MEOX1: variants seen among roughly 807,000 people sequenced by gnomAD.
MEOX1 encodes homeobox protein MOX-1.
In MEOX1, 17 loss-of-function variants were observed where a neutral mutation model predicts 23.2. That is an observed-to-expected ratio of 0.73 (90% CI 0.50 to 1.10). The LOEUF (loss-of-function observed/expected upper bound fraction) is 1.10, where lower values mean the gene tolerates loss of function less well. Ranked by LOEUF, MEOX1 falls within the 50% of genes least tolerant of loss-of-function variation. MEOX1 has a pLI of 0.00. For missense variants in MEOX1, 333 were observed against 332.2 expected (o/e 1.00, Z -0.02); for synonymous variants, 134 against 135.1 (o/e 0.99, Z 0.06).
chr17:43,644,863 C>T (rs1972772669), intron 1 of MEOX1, among the ~76,000 whole-genome samples: 2 of 152,094 alleles, frequency 1.3e-5, no homozygotes, highest in South Asian at 2.1e-4. Context: ...CTACAGTGAG[C>T]GGAGATCACG....
chr17:43,643,482 G>A lies in MEOX1; in HGVS notation c.642+6C>T. 1 of 1,569,834 alleles carries A rather than the reference G, an allele frequency of 6.4e-7. No homozygotes were observed. Among genetic ancestry groups the A allele is most frequent in the Non-Finnish European group, 8.6e-7 (1 of 1,156,306 alleles). ...AAAGAAGAGGAGGGGCCCACCGGGG[G>A]CGCACCTGGCGCTCAGAGAGGTCCA... On this transcript the variant is annotated splice_donor_region_variant and intron_variant, in intron 2 of 2. Transcript: ENST00000318579.
intron 1 of MEOX1, among the ~76,000 whole-genome samples, chr17:43,653,010 T>G (rs2005709): frequency 0.36 from 54,479 of 151,104 alleles, 10,523 homozygotes; most frequent in Middle Eastern, 0.49. Flanking sequence ...TTTTTTATAT[T>G]TTTAGTAGAG....
Position 43,643,630 on chromosome 17 carries a change from C to T in MEOX1, c.500G>A (p.Gly167Asp), listed in dbSNP as rs748426525. ...CCTCTCCTTGCGGGCTTTGCTGCTG[C>T]CCTCCGGCTTCCCTCTGTTCTCCTG... ...DNQENRGKPEGSSKARKERTA... is the reference protein window; with the variant it reads ...DNQENRGKPEDSSKARKERTA... The change falls in exon 2 of 3, where the codon GGC becomes GAC. Residue 167 changes from glycine to aspartate, a missense_variant. Gly to Asp is a moderately conservative substitution (Grantham distance 94). Transcript: ENST00000318579. 8.7e-6 allele frequency: 14 copies of T among 1,613,476 alleles called. No individual in the cohort carries two copies. The highest frequency in any genetic ancestry group is 1.2e-5 in the Non-Finnish European group (14 of 1,179,886).
At chr17:43,649,468 G>T (rs1972875193) in intron 1 of MEOX1, among the ~76,000 whole-genome samples, 1 of 151,978 alleles carries the variant, frequency 6.6e-6, no homozygotes, top group Non-Finnish European at 1.5e-5. Context: ...CGCCACACTA[G>T]GCTAATTTTT....
chr17:43,648,337 C>T (rs530648821), intron 1 of MEOX1, among the ~76,000 whole-genome samples: 5 of 151,944 alleles, frequency 3.3e-5, no homozygotes, highest in East Asian at 3.9e-4. Context: ...GGCGTGGTGG[C>T]GGGCGCCTGT....
chr17:43,648,612 C>T (rs1034027227), intron 1 of MEOX1, among the ~76,000 whole-genome samples: 2 of 152,110 alleles, frequency 1.3e-5, no homozygotes, highest in African/African-American at 2.4e-5. Flanking sequence ...GGGATTGGAC[C>T]GGATTCTGTT....
At chr17:43,647,094 G>C (rs1436126317) in intron 1 of MEOX1, among the ~76,000 whole-genome samples, 1 of 152,238 alleles carries the variant, frequency 6.6e-6, no homozygotes, top group Non-Finnish European at 1.5e-5. Flanking sequence ...CTTCTTGAAG[G>C]TTTCTGTGTG....
rs552845807 is a variant in MEOX1 at position 43,653,166 on chromosome 17, A to C, written c.469+7900T>G. On this transcript the variant is annotated intron_variant, in intron 1 of 2. Transcript: ENST00000318579. ...CTTTTTTTTTTTTTTTTGAGACGGAATCTCACTCTGTCTCCCCAGCTGGAG... is the reference window on the plus strand; with the variant it reads ...CTTTTTTTTTTTTTTTTGAGACGGACTCTCACTCTGTCTCCCCAGCTGGAG... 3.3e-3 allele frequency among the ~76,000 whole-genome samples: 397 copies of C among 120,024 alleles called. 1 individual carries two copies. Among genetic ancestry groups the C allele is most frequent in the African/African-American group, 0.011 (329 of 30,648 alleles). 78.7% of individuals were successfully genotyped at this position (120,024 alleles called of 152,430 possible). A position where few individuals can be genotyped will look rare whatever the true frequency, so the allele number is the denominator to read the frequency against.
chr17:43,656,991 T>C (rs562223080), intron 1 of MEOX1, among the ~76,000 whole-genome samples: 120 of 138,830 alleles, frequency 8.6e-4, no homozygotes, highest in African/African-American at 3.6e-3. Context: ...ATTTTCTTTC[T>C]TTCTTTTTCT....
In MEOX1 at chr17:43,661,063, T is replaced by C. The variant is rs771550537; in HGVS notation, c.469+3A>G. ...AATGATCAGCTGCTCCTGAGCCACC[T>C]ACCTGAACTCTCCTTTCTCCGCCTG... On this transcript the variant is annotated splice_donor_region_variant and intron_variant, in intron 1 of 2. Transcript: ENST00000318579. The C allele has an allele frequency of 6.7e-7, 1 of 1,492,924 alleles. No homozygotes were observed. Among genetic ancestry groups the C allele is most frequent in the Non-Finnish European group, 8.9e-7 (1 of 1,119,534 alleles). 92.5% of individuals were successfully genotyped at this position (1,492,924 alleles called of 1,614,324 possible).
At chr17:43,646,079 G>C (rs1187775469) in intron 1 of MEOX1, among the ~76,000 whole-genome samples, 1 of 152,192 alleles carries the variant, frequency 6.6e-6, no homozygotes, top group African/African-American at 2.4e-5. Context: ...TGGCCCGGGG[G>C]TCCGCGTCCG....
At chr17:43,645,974 T>C in intron 1 of MEOX1, among the ~76,000 whole-genome samples, 1 of 152,076 alleles carries the variant, frequency 6.6e-6, no homozygotes, top group East Asian at 1.9e-4. Context: ...CGCCGGGGGA[T>C]GGAAGGGGAG....
At chr17:43,658,538 A>T (rs951456376) in intron 1 of MEOX1, among the ~76,000 whole-genome samples, 24 of 152,024 alleles carry the variant, frequency 1.6e-4, no homozygotes, top group African/African-American at 5.6e-4. Flanking sequence ...TTTTAAGGCA[A>T]TATTTGTAAA....
At chr17:43,644,698 G>A (rs894872703) in intron 1 of MEOX1, among the ~76,000 whole-genome samples, 2 of 152,184 alleles carry the variant, frequency 1.3e-5, no homozygotes, top group African/African-American at 2.4e-5. Context: ...GGCGGATCAC[G>A]AGGTCAGGAG....
intron 1 of MEOX1, among the ~76,000 whole-genome samples, chr17:43,654,498 T>C (rs1442157517): frequency 6.6e-6 from 1 of 151,402 alleles, no homozygotes; most frequent in Admixed American, 6.6e-5. Context: ...ACAGCAAGAC[T>C]CTTGTCTCAA....
rs1972702973 is a variant in MEOX1 at position 43,641,952 on chromosome 17, GTC to G, written c.721_722del (p.Asp241ProfsTer2). On this transcript the variant is annotated frameshift_variant, in exon 3 of 3. Coordinates refer to ENST00000318579, the MANE Select transcript of MEOX1 (RefSeq NM_004527.4). LOFTEE classifies it high-confidence loss of function. The stretch of plus-strand genomic sequence containing the variant: ...AGGCTGTGGAGTCCCCATCCTCAGG[GTC>G]CTGCCCATTGGGGGAGATGGGCTGA... ...GGQPISPNGQ[D>X]PEDGDSTASP... 3 of 1,613,902 alleles carry G rather than the reference GTC, an allele frequency of 1.9e-6. No individual in the cohort carries two copies.
intron 1 of MEOX1, among the ~76,000 whole-genome samples, chr17:43,651,694 G>A (rs953294189): frequency 6.6e-6 from 1 of 152,236 alleles, no homozygotes; most frequent in Admixed American, 6.5e-5. Context: ...TGTGAGTCCT[G>A]TCTCTCAGGC....
At chr17:43,648,341 C>T (rs957007508) in intron 1 of MEOX1, among the ~76,000 whole-genome samples, 36 of 151,816 alleles carry the variant, frequency 2.4e-4, no homozygotes, top group Non-Finnish European at 4.4e-5. Flanking sequence ...TGGTGGCGGG[C>T]GCCTGTAGTC....
Position 43,661,329 on chromosome 17 carries a change from G to A in MEOX1, c.206C>T (p.Ala69Val), listed in dbSNP as rs762694550. The change falls in exon 1 of 3, where the codon GCC becomes GTC. Residue 69 changes from alanine to valine, a missense_variant. Physicochemically the swap from Ala to Val is moderately conservative, Grantham distance 64. Coordinates refer to ENST00000318579, the MANE Select transcript of MEOX1 (RefSeq NM_004527.4). Reference protein sequence around the residue: ...YPDFSASCLAATPHSLPQEEH... With the variant: ...YPDFSASCLAVTPHSLPQEEH... Reference sequence around the variant, plus strand: ...CTCCTGGGGCAGGCTGTGTGGGGTGGCTGCCAGGCAGGAGGCTGAGAAGTC... The same window carrying A: ...CTCCTGGGGCAGGCTGTGTGGGGTGACTGCCAGGCAGGAGGCTGAGAAGTC... 1 of 1,613,260 alleles carries A rather than the reference G, an allele frequency of 6.2e-7. No individual in the cohort carries two copies. The highest frequency in any genetic ancestry group is 1.7e-5 in the Admixed American group (1 of 59,962).
Sources: gnomAD v4.1 joint callset for allele counts (sites outside exome capture counted in the v4.1 genomes callset) on GRCh38, gnomAD v4.1.1 for gene constraint, MANE v1.5 for transcripts, NCBI Gene and HGNC (gene_info 2026-07-23, HGNC 2026-07-21) for gene names.